Variants in ZNF565 observed in about 807,000 individuals in gnomAD.
ZNF565 encodes the protein zinc finger protein 565.
In ZNF565, 27 loss-of-function variants were observed where a neutral mutation model predicts 39.4. That is an observed-to-expected ratio of 0.69 (90% confidence interval 0.51 to 0.95). The LOEUF is 0.95. Ranked by LOEUF, ZNF565 falls within the 40% of genes least tolerant of loss-of-function variation. ZNF565 has a pLI of 0.00. For missense variants in ZNF565, 524 were observed against 621.1 expected (o/e 0.84, Z 1.66); for synonymous variants, 185 against 216.6 (o/e 0.85, Z 1.28).
chr19:36,239,746 C>A (rs1304977535), intron 1 of ZNF565, among the ~76,000 whole-genome samples: 2 of 152,172 alleles, frequency 1.3e-5, no homozygotes, highest in African/African-American at 4.8e-5. Context: ...ACTGCTGTTA[C>A]AGAGAGAGAA....
rs370828140 is a variant in ZNF565, at chr19:36,200,613, C to T, written c.9+1364G>A. On this transcript the variant is annotated intron_variant, in intron 2 of 4. Transcript: ENST00000304116. ...AAGCGATTCTCCTGCCTCAGCCTCC[C>T]GAGTAGCTGGGACTATAGACACCTG... Among the ~76,000 whole-genome samples the T allele has an allele frequency of 3.4e-4, 51 of 151,792 alleles. No individual in the cohort carries two copies. In the East Asian group the frequency reaches 8.9e-3, roughly 27 times the overall value.
At chr19:36,193,441 C>CTT (rs918390781) in intron 4 of ZNF565, among the ~76,000 whole-genome samples, 8 of 131,842 alleles carry the variant, frequency 6.1e-5, no homozygotes, top group African/African-American at 1.1e-4. Context: ...TTTCTTTTTT[C>CTT]TTTTTTTTTT....
rs551944957 is a variant in ZNF565 at position 36,234,030 on chromosome 19, G to A, written c.55+11446C>T. On this transcript the variant is annotated intron_variant, in intron 1 of 4. Coordinates refer to the ZNF565 transcript ENST00000355114. ...GGCTTTCCTAGGCAGAGGTCCCTGCGGCCTTCTGTAGTGTGTTGTGTCTCT... is the reference window on the plus strand; with the variant it reads ...GGCTTTCCTAGGCAGAGGTCCCTGCAGCCTTCTGTAGTGTGTTGTGTCTCT... 5.2e-3 allele frequency among the ~76,000 whole-genome samples: 796 copies of A among 152,208 alleles called. 7 individuals are homozygous for A. The highest frequency in any genetic ancestry group is 0.018 in the African/African-American group (762 of 41,512).
chr19:36,222,388 A>G (rs1976885185), intron 1 of ZNF565, among the ~76,000 whole-genome samples: 1 of 152,326 alleles, frequency 6.6e-6, no homozygotes, highest in African/African-American at 2.4e-5. Flanking sequence ...GCAGTAATGA[A>G]TAATTTTTTT....
At chr19:36,215,982 G>A (rs1976586288), upstream of ZNF565, among the ~76,000 whole-genome samples, 1 of 152,158 alleles carries the variant, frequency 6.6e-6, no homozygotes, top group African/African-American at 2.4e-5. Context: ...TATGGATTTT[G>A]TGAAGTAATG....
chr19:36,194,480 C>T, intron 3 of ZNF565, 152 bp from the exon 4 acceptor site: 1 of 556,638 alleles, frequency 1.8e-6, no homozygotes, highest in South Asian at 3.2e-5. Flanking sequence ...TGACTTGTTT[C>T]TAGTTCCACA....
chr19:36,222,597 A>G (rs1976894300), intron 1 of ZNF565, among the ~76,000 whole-genome samples: 1 of 152,152 alleles, frequency 6.6e-6, no homozygotes, highest in African/African-American at 2.4e-5. Flanking sequence ...ACTTCAGTGT[A>G]GGTTTCATTT....
chr19:36,242,732 TAAATA>T (rs893188407), intron 1 of ZNF565, among the ~76,000 whole-genome samples: 4 of 151,992 alleles, frequency 2.6e-5, no homozygotes, highest in Admixed American at 2.6e-4. Flanking sequence ...CTCGAAAAAA[TAAATA>T]AAATGAAAAT....
intron 4 of ZNF565, among the ~76,000 whole-genome samples, chr19:36,191,314 CTTTTTTT>C (rs768603825): frequency 8.0e-6 from 1 of 125,046 alleles, no homozygotes; most frequent in Admixed American, 8.3e-5. Flanking sequence ...ATTTTTCTTT[CTTTTTTT>C]TTTTTTTTTT....
chr19:36,226,326 C>G (rs1977065798), intron 1 of ZNF565, among the ~76,000 whole-genome samples: 1 of 152,186 alleles, frequency 6.6e-6, no homozygotes, highest in Admixed American at 6.5e-5. Context: ...AAATCATGCT[C>G]TAAGCCTTAT....
rs1341471086 is a variant in ZNF565 at position 36,183,637 on chromosome 19, A to G, written c.329T>C (p.Leu110Pro). 3 of 1,614,160 alleles carry G rather than the reference A, an allele frequency of 1.9e-6. No individual in the cohort carries two copies. The highest frequency in any genetic ancestry group is 2.5e-6 in the Non-Finnish European group (3 of 1,180,040). ...EIMESLKCSD[L>P]EGSDFRADWE... ...GTCAGCTCTAAAATCGGAGCCCTCC[A>G]GGTCACTGCATTTAAGGCTTTCCAT... The change falls in exon 5 of 5, where the codon CTG becomes CCG. Residue 110 changes from leucine to proline, a missense_variant. Leu to Pro is a moderately conservative substitution (Grantham distance 98, BLOSUM62 -3). Coordinates refer to ENST00000304116, the MANE Select transcript of ZNF565 (RefSeq NM_152477.5).
intron 1 of ZNF565, chr19:36,236,469 A>G (rs768746464): frequency 3.7e-5 from 59 of 1,609,990 alleles, no homozygotes; most frequent in Non-Finnish European, 5.0e-5. Context: ...CAGAGAATTT[A>G]CAGTGGGGAA....
chr19:36,184,453 TG>T, intron 4 of ZNF565, among the ~76,000 whole-genome samples: 1 of 152,066 alleles, frequency 6.6e-6, no homozygotes, highest in East Asian at 2.0e-4. Context: ...TTAGTAAAGA[TG>T]GGGTTTCACC....
At chr19:36,231,125 G>A (rs1977345109) in intron 1 of ZNF565, among the ~76,000 whole-genome samples, 1 of 152,184 alleles carries the variant, frequency 6.6e-6, no homozygotes. Context: ...GACTTTGGGA[G>A]GCCAAGGCAG....
At chr19:36,189,739 G>C (rs1975456518) in intron 4 of ZNF565, among the ~76,000 whole-genome samples, 2 of 152,174 alleles carry the variant, frequency 1.3e-5, no homozygotes, top group Non-Finnish European at 2.9e-5. Flanking sequence ...TGAAAGACAA[G>C]AACACTTTTA....
Position 36,202,056 on chromosome 19 carries a change from A to G in ZNF565, c.-65-6T>C. The G allele has an allele frequency of 7.0e-6, 11 of 1,564,168 alleles. No homozygotes were observed. The South Asian group carries it at 1.2e-4, about 17-fold the overall frequency. ...TCTTGGACAAGTGCAGAGTCCTGAA[A>G]AAGCAAAATGGGGGGAGATGGGGTA... On this transcript the variant is annotated splice_polypyrimidine_tract_variant and splice_region_variant and intron_variant, in intron 1 of 4. Coordinates refer to ENST00000304116, the MANE Select transcript of ZNF565 (RefSeq NM_152477.5).
At chr19:36,241,585 G>A (rs889313505) in intron 1 of ZNF565, among the ~76,000 whole-genome samples, 6 of 151,812 alleles carry the variant, frequency 4.0e-5, no homozygotes, top group Admixed American at 2.0e-4. Flanking sequence ...CTGAGGTCAG[G>A]AGTTCAAGAT....
At chr19:36,210,711 G>A (rs1047476985) in intron 1 of ZNF565, among the ~76,000 whole-genome samples, 18 of 149,814 alleles carry the variant, frequency 1.2e-4, no homozygotes, top group African/African-American at 3.4e-4. Flanking sequence ...TGCAACCTCC[G>A]CCTCCCGGGC....
In ZNF565 at chr19:36,187,838, C is replaced by T. The variant is rs373085093; in HGVS notation, c.233-4105G>A. On this transcript the variant is annotated intron_variant, in intron 4 of 4. Transcript: ENST00000304116. Reference sequence around the variant, plus strand: ...ATCTTTTAGTAGAGAAGGGGTTTCACTGTGTTAGCCAGGATTTTCTTGATC... The same window carrying T: ...ATCTTTTAGTAGAGAAGGGGTTTCATTGTGTTAGCCAGGATTTTCTTGATC... Among the ~76,000 whole-genome samples the T allele has an allele frequency of 1.1e-4, 16 of 148,066 alleles. 1 individual carries two copies. The highest frequency in any genetic ancestry group is 6.3e-4 in the East Asian group (3 of 4,758).
Sources: allele counts gnomAD v4.1 joint callset (sites outside exome capture counted in the v4.1 genomes callset), GRCh38; gene constraint gnomAD v4.1.1; transcripts MANE v1.5; gene names NCBI Gene and HGNC (gene_info 2026-07-23, HGNC 2026-07-21).